ZNF207: variants seen among roughly 807,000 people sequenced by gnomAD.
ZNF207 encodes BUB3-interacting and GLEBS motif-containing protein ZNF207.
In ZNF207, 24 loss-of-function variants were observed where a neutral mutation model predicts 60.2. The ratio of observed to expected loss-of-function variants is 0.40; its 90% CI spans 0.29 to 0.56. The LOEUF (loss-of-function observed/expected upper bound fraction) is 0.56. Ranked by LOEUF, ZNF207 falls within the 20% of genes least tolerant of loss-of-function variation. The pLI is 0.49. For synonymous variants in ZNF207, 236 were observed against 194.7 expected, an observed-to-expected ratio of 1.21 and a Z score of -1.77; for missense variants, 452 against 636.6, an observed-to-expected ratio of 0.71 and a Z score of 3.12.
rs753762052 is a variant in ZNF207, at chr17:32,369,761, C to A, written c.*2C>A. 6.6e-6 allele frequency: 10 copies of A among 1,522,098 alleles called. No homozygotes were observed. The highest frequency in any genetic ancestry group is 1.4e-5 in the African/African-American group (1 of 71,944). The allele number at this position is 1,522,098 out of a possible 1,614,324, so 94.3% of individuals were successfully genotyped here. A position where few individuals can be genotyped will look rare whatever the true frequency, so the allele number is the denominator to read the frequency against. The stretch of plus-strand genomic sequence containing the variant: ...ATGTCGCAAGGTGGCCGTTACTGAT[C>A]TTACTTCATCCAGTCTAATAGGTTT... On this transcript the variant is annotated 3_prime_UTR_variant, in exon 12 of 12. Transcript: ENST00000394670.
chr17:32,351,955 G>C (rs757152146), intron 2 of ZNF207, 43 bp downstream of exon 2: 9 of 1,469,296 alleles, frequency 6.1e-6, no homozygotes. Flanking sequence ...TTGTGATTTG[G>C]AAACAACTTG....
At chr17:32,361,640 C>A (rs906480296) in intron 6 of ZNF207, 125 bp downstream of exon 6, 2 of 790,128 alleles carry the variant, frequency 2.5e-6, no homozygotes, top group Non-Finnish European at 1.9e-6. Flanking sequence ...CTAAAACTTG[C>A]AAGCTAATTA....
intron 6 of ZNF207, among the ~76,000 whole-genome samples, chr17:32,362,305 A>T (rs568165968): frequency 1.3e-5 from 2 of 152,274 alleles, no homozygotes; most frequent in Non-Finnish European, 2.9e-5. Context: ...ACAGGCGCAC[A>T]CTACTGCACC....
intron 8 of ZNF207, 91 bp downstream of exon 8, chr17:32,365,578 T>A (rs1905122302): frequency 1.6e-6 from 2 of 1,250,504 alleles, no homozygotes; most frequent in African/African-American, 1.6e-5. Context: ...ATAGGTCAAT[T>A]TTTTTGTTTA....
rs1905652273 is a variant in ZNF207, at chr17:32,375,691, GTAGA to G, written c.*5935_*5938del. Reference sequence around the variant, plus strand: ...ATGAAAATAGACATGTACCCTAGAAGTAGATACTCTAAAATTATACAGACATGAA... The same window carrying G: ...ATGAAAATAGACATGTACCCTAGAAGTACTCTAAAATTATACAGACATGAA... On this transcript the variant is annotated 3_prime_UTR_variant, in exon 12 of 12. Transcript: ENST00000394670. 1 of 152,082 alleles carries G rather than the reference GTAGA, an allele frequency of 6.6e-6. No homozygotes were observed. Among genetic ancestry groups the G allele is most frequent in the Non-Finnish European group, 1.5e-5 (1 of 67,948 alleles). 9.4% of individuals were successfully genotyped at this position (152,082 alleles called of 1,614,324 possible). A position where few individuals can be genotyped will look rare whatever the true frequency, so the allele number is the denominator to read the frequency against.
chr17:32,360,650 C>T lies in ZNF207; in HGVS notation c.360C>T (p.Asp120=), dbSNP rs747454280. The T allele has an allele frequency of 6.2e-7, 1 of 1,613,818 alleles. No homozygotes were observed. The highest frequency in any genetic ancestry group is 1.7e-5 in the Admixed American group (1 of 59,972). The change falls in exon 4 of 12, where the codon GAC becomes GAT. Residue 120 remains aspartate, a synonymous_variant. Coordinates refer to ENST00000394670, the MANE Select transcript of ZNF207 (RefSeq NM_001098507.2). ...QDDSDEYDDD[D]SAASTSFQPQ... is the part of the protein sequence containing the mutation. Reference sequence around the variant, plus strand: ...ATTCTGATGAATATGATGATGACGACTCTGCAGCCTCAACTTCATTTCAGC... The same window carrying T: ...ATTCTGATGAATATGATGATGACGATTCTGCAGCCTCAACTTCATTTCAGC...
At chr17:32,361,408 C>A in intron 5 of ZNF207, 60 bp from the exon 6 acceptor site, 1 of 1,459,404 alleles carries the variant, frequency 6.9e-7, no homozygotes, top group Non-Finnish European at 9.5e-7. Flanking sequence ...ATACAATACA[C>A]TTTCCCACTG....
rs1164011891 is a variant in ZNF207, at chr17:32,357,351, A to ATT, written c.169-1138_169-1137dup. On this transcript the variant is annotated intron_variant, in intron 2 of 11. Coordinates refer to ENST00000394670, the MANE Select transcript of ZNF207 (RefSeq NM_001098507.2). ...TATTATTATTATTATTATTATTATT[A>ATT]TTTTTTTTTTTTTTTGAGACAGAAT... Among the ~76,000 whole-genome samples the ATT allele has an allele frequency of 4.2e-4, 31 of 73,994 alleles. 1 individual carries two copies. The highest frequency in any genetic ancestry group is 1.6e-3 in the African/African-American group (29 of 17,768). The allele number at this position is 73,994 out of a possible 152,430, so 48.5% of individuals were successfully genotyped here. A position where few individuals can be genotyped will look rare whatever the true frequency, so the allele number is the denominator to read the frequency against.
chr17:32,356,715 C>A (rs1904528085), intron 2 of ZNF207, among the ~76,000 whole-genome samples: 1 of 152,106 alleles, frequency 6.6e-6, no homozygotes. Flanking sequence ...ATAGTCTAGG[C>A]AAAATACTTT....
In ZNF207 at chr17:32,368,259, AAGTC is replaced by A; in HGVS notation, c.1164+248_1164+251del. ...CAGACTGTTTCTAAAAGAAGACAGT[AAGTC>A]AGGTTCTTAACTCTCTTAAAAATCA... On this transcript the variant is annotated intron_variant, in intron 10 of 11. Coordinates refer to ENST00000394670, the MANE Select transcript of ZNF207 (RefSeq NM_001098507.2). 5.6e-6 allele frequency: 3 copies of A among 531,300 alleles called. No individual in the cohort carries two copies. In the South Asian group the frequency reaches 7.9e-5, roughly 14 times the overall value. The allele number at this position is 531,300 out of a possible 1,614,324, so 32.9% of individuals were successfully genotyped here. A position where few individuals can be genotyped will look rare whatever the true frequency, so the allele number is the denominator to read the frequency against.
At chr17:32,361,370 T>C in intron 5 of ZNF207, 98 bp from the exon 6 acceptor site, 1 of 974,336 alleles carries the variant, frequency 1.0e-6, no homozygotes, top group Non-Finnish European at 1.5e-6. Flanking sequence ...CCATCACTTT[T>C]ACTTAAATAT....
At chr17:32,365,189 G>T in intron 7 of ZNF207, 141 bp from the exon 8 acceptor site, 1 of 873,072 alleles carries the variant, frequency 1.1e-6, no homozygotes, top group Non-Finnish European at 1.7e-6. Context: ...TAAGAATGTT[G>T]CATGGGGCAA....
intron 8 of ZNF207, among the ~76,000 whole-genome samples, chr17:32,366,064 G>A (rs1200744992): frequency 6.6e-6 from 1 of 152,090 alleles, no homozygotes; most frequent in Admixed American, 6.6e-5. Flanking sequence ...ACACATGATG[G>A]TTAACACCTT....
intron 5 of ZNF207, 106 bp from the exon 6 acceptor site, chr17:32,361,362 A>G (rs1266689877): frequency 1.0e-5 from 9 of 871,712 alleles, no homozygotes; most frequent in Middle Eastern, 5.4e-4. Flanking sequence ...GCTTGTGCCC[A>G]TCACTTTTAC....
intron 6 of ZNF207, among the ~76,000 whole-genome samples, chr17:32,361,730 C>T (rs1904891105): frequency 6.6e-6 from 1 of 152,088 alleles, no homozygotes; most frequent in Admixed American, 6.5e-5. Flanking sequence ...TTCAAATGTG[C>T]AGTGATTTTC....
intron 8 of ZNF207, among the ~76,000 whole-genome samples, chr17:32,366,422 A>C (rs1055375311): frequency 6.7e-6 from 1 of 150,026 alleles, no homozygotes. Flanking sequence ...AATGCAAAAC[A>C]GTAGTTTTAG....
intron 9 of ZNF207, 89 bp from the exon 10 acceptor site, chr17:32,367,683 A>C (rs1905267160): frequency 6.6e-7 from 1 of 1,508,258 alleles, no homozygotes; most frequent in African/African-American, 1.4e-5. Context: ...CCTTTATTTA[A>C]TGTTGATGCC....
At chr17:32,353,797 A>G (rs1302302686) in intron 2 of ZNF207, among the ~76,000 whole-genome samples, 1 of 140,466 alleles carries the variant, frequency 7.1e-6, no homozygotes, top group Non-Finnish European at 1.5e-5. Flanking sequence ...CCTGGGTGAC[A>G]GAGACTCTGT....
Position 32,376,644 on chromosome 17 carries a change from A to G in ZNF207, c.*6885A>G, listed in dbSNP as rs1905684905. On this transcript the variant is annotated 3_prime_UTR_variant, in exon 12 of 12. Coordinates refer to ENST00000394670, the MANE Select transcript of ZNF207 (RefSeq NM_001098507.2). ...GCTGAAACTAATTTGAACTATTCCT[A>G]TTTGAAGCAAATTGAACACTATTAT... 2 of 152,076 alleles carry G rather than the reference A, an allele frequency of 1.3e-5. No individual in the cohort carries two copies. Among genetic ancestry groups the G allele is most frequent in the South Asian group, 2.1e-4 (1 of 4,830 alleles). The allele number at this position is 152,076 out of a possible 1,614,324, so 9.4% of individuals were successfully genotyped here.
Sources: allele counts gnomAD v4.1 joint callset (sites outside exome capture counted in the v4.1 genomes callset), GRCh38; gene constraint gnomAD v4.1.1; transcripts MANE v1.5; gene names NCBI Gene and HGNC (gene_info 2026-07-23, HGNC 2026-07-21).